Variants in NAA25 observed in about 807,000 individuals in gnomAD.
The protein encoded by NAA25 is N-alpha-acetyltransferase 25, NatB auxiliary subunit.
A neutral mutation model predicts 132.5 loss-of-function variants in NAA25; 30 were observed. The ratio of observed to expected loss-of-function variants is 0.23; its 90% CI spans 0.17 to 0.31. NAA25 has a LOEUF of 0.31. NAA25 is among the 10% of genes least tolerant of loss of function. The pLI is 1.00. For missense variants in NAA25, 771 were observed against 1,150.4 expected (o/e 0.67, Z 4.77); for synonymous variants, 359 against 401.9 (o/e 0.89, Z 1.28).
At chr12:112,063,098 G>A (rs938940717) in intron 11 of NAA25, among the ~76,000 whole-genome samples, 1 of 151,684 alleles carries the variant, frequency 6.6e-6, no homozygotes, top group East Asian at 1.9e-4. Context: ...GAAGAAATGA[G>A]AGATGACAGC....
intron 11 of NAA25, among the ~76,000 whole-genome samples, chr12:112,067,170 G>C (rs1008816106): frequency 6.6e-6 from 1 of 152,054 alleles, no homozygotes; most frequent in Admixed American, 6.6e-5. Flanking sequence ...ACACACTCCA[G>C]CCTGGGCGAC....
intron 19 of NAA25, among the ~76,000 whole-genome samples, chr12:112,042,592 T>A (rs1242941557): frequency 6.6e-6 from 1 of 152,002 alleles, no homozygotes; most frequent in Non-Finnish European, 1.5e-5. Context: ...CTGCAACCTC[T>A]GCTTCCCTGG....
At chr12:112,050,958 T>C (rs565383362) in intron 15 of NAA25, among the ~76,000 whole-genome samples, 10 of 152,224 alleles carry the variant, frequency 6.6e-5, no homozygotes, top group African/African-American at 2.4e-4. Context: ...TAGGTGGGAA[T>C]TGAAATGCAT....
At chr12:112,033,074 CACA>C (rs1007938729) in intron 23 of NAA25, among the ~76,000 whole-genome samples, 156 bp downstream of exon 23, 2 of 152,200 alleles carry the variant, frequency 1.3e-5, no homozygotes. Context: ...CCACCAACAA[CACA>C]ACAAGAAACT....
intron 1 of NAA25, among the ~76,000 whole-genome samples, chr12:112,095,671 G>GA (rs923797237): frequency 1.6e-4 from 22 of 136,440 alleles, no homozygotes; most frequent in South Asian, 2.3e-4. Flanking sequence ...CAGAGAGAAA[G>GA]AAAAAAAAAG....
intron 22 of NAA25, among the ~76,000 whole-genome samples, chr12:112,035,934 C>A (rs2078219087): frequency 6.6e-6 from 1 of 152,164 alleles, no homozygotes; most frequent in African/African-American, 2.4e-5. Context: ...AATCTCCCCA[C>A]CTTGGCCTCC....
At chr12:112,103,913 C>T (rs775903769) in intron 1 of NAA25, among the ~76,000 whole-genome samples, 1 of 152,152 alleles carries the variant, frequency 6.6e-6, no homozygotes, top group African/African-American at 2.4e-5. Context: ...AAGAGCTGAT[C>T]TGACAGGAGG....
Position 112,043,505 on chromosome 12 carries a change from C to T in NAA25, c.2250+120G>A, listed in dbSNP as rs924976583. 17 of 1,161,664 alleles carry T rather than the reference C, an allele frequency of 1.5e-5. No homozygotes were observed. In the East Asian group the frequency reaches 3.9e-4, roughly 27 times the overall value. The allele number at this position is 1,161,664 out of a possible 1,614,324, so 72.0% of individuals were successfully genotyped here. A position where few individuals can be genotyped will look rare whatever the true frequency, so the allele number is the denominator to read the frequency against. On this transcript the variant is annotated intron_variant, in intron 18 of 23. Transcript: ENST00000261745. ...GTCTAAAATATTCCTCTTTCTCCTG[C>T]AGAAGCCATAAACTGGGACAAAACA...
chr12:112,066,977 C>T (rs557083783), intron 11 of NAA25, among the ~76,000 whole-genome samples: 1 of 152,090 alleles, frequency 6.6e-6, no homozygotes, highest in African/African-American at 2.4e-5. Flanking sequence ...TGATGGCAGC[C>T]CTGTTATAGA....
rs1314645175 is a variant in NAA25 at position 112,040,287 on chromosome 12, T to C, written c.2538+194A>G. The C allele has an allele frequency of 1.5e-5, 7 of 464,582 alleles. No homozygotes were observed. The East Asian group carries it at 2.3e-4, about 15-fold the overall frequency. 28.8% of individuals were successfully genotyped at this position (464,582 alleles called of 1,614,324 possible). A position where few individuals can be genotyped will look rare whatever the true frequency, so the allele number is the denominator to read the frequency against. ...TTCAAGAAGTTTTACCTAAGTATTA[T>C]GAATGAAATCATCTTAGAATTCTTG... On this transcript the variant is annotated intron_variant, in intron 21 of 23. Coordinates refer to ENST00000261745, the MANE Select transcript of NAA25 (RefSeq NM_024953.4).
At chr12:112,039,403 G>C (rs890473348) in intron 21 of NAA25, 64 bp from the exon 22 acceptor site, 8 of 946,772 alleles carry the variant, frequency 8.4e-6, no homozygotes, top group Non-Finnish European at 1.2e-5. Flanking sequence ...CAGGAAATTA[G>C]AGGCAATGGA....
Position 112,081,072 on chromosome 12 carries a change from G to A in NAA25, c.465C>T (p.Ser155=). ...ATGCCATACTCACTTGCATAATTAA[G>A]CTCATCACAGACCAAAAGTAGTAGG... ...KNPYYFWSVM[S]LIMQSISAQD... is the part of the protein sequence containing the mutation. Residue 155 remains serine (S), a synonymous_variant, in exon 5 of 24, where the codon AGC becomes AGT. Coordinates refer to ENST00000261745, the MANE Select transcript of NAA25 (RefSeq NM_024953.4). 1 of 1,612,496 alleles carries A rather than the reference G, an allele frequency of 6.2e-7. No homozygotes were observed. The highest frequency in any genetic ancestry group is 8.5e-7 in the Non-Finnish European group (1 of 1,178,564).
chr12:112,059,041 T>C (rs2078586114), intron 13 of NAA25, among the ~76,000 whole-genome samples: 1 of 117,426 alleles, frequency 8.5e-6, no homozygotes, highest in African/African-American at 3.4e-5. Flanking sequence ...ACCACTGTAC[T>C]CCAGTCTGGG....
At chr12:112,104,469 CAG>C (rs1437066980) in intron 1 of NAA25, among the ~76,000 whole-genome samples, 1 of 151,894 alleles carries the variant, frequency 6.6e-6, no homozygotes, top group Non-Finnish European at 1.5e-5. Flanking sequence ...CATAACAAAA[CAG>C]AGTCAAATAT....
intron 1 of NAA25, among the ~76,000 whole-genome samples, chr12:112,103,239 G>A (rs1322820122): frequency 6.6e-6 from 1 of 152,120 alleles, no homozygotes. Context: ...CACCCACCTC[G>A]GCCTCCCAAA....
intron 9 of NAA25, 64 bp from the exon 10 acceptor site, chr12:112,072,128 C>A: frequency 1.4e-5 from 17 of 1,197,672 alleles, no homozygotes; most frequent in East Asian, 2.9e-5. Context: ...AGCTTAAAGT[C>A]AAGCCAAACT....
chr12:112,093,924 T>A (rs2079174455), intron 1 of NAA25, among the ~76,000 whole-genome samples: 1 of 151,302 alleles, frequency 6.6e-6, no homozygotes, highest in Non-Finnish European at 1.5e-5. Flanking sequence ...TTTCAACAAA[T>A]AAAAACATTA....
At chr12:112,032,823 C>T (rs1166119745) in intron 23 of NAA25, among the ~76,000 whole-genome samples, 1 of 152,200 alleles carries the variant, frequency 6.6e-6, no homozygotes, top group Non-Finnish European at 1.5e-5. Flanking sequence ...CTAATTATTA[C>T]TGACATAATT....
chr12:112,063,315 G>C (rs2078665467), intron 11 of NAA25, among the ~76,000 whole-genome samples: 1 of 152,124 alleles, frequency 6.6e-6, no homozygotes. Flanking sequence ...GACTAAAATA[G>C]AATATATTAA....
Sources: allele counts gnomAD v4.1 joint callset (sites outside exome capture counted in the v4.1 genomes callset), GRCh38; gene constraint gnomAD v4.1.1; transcripts MANE v1.5; gene names NCBI Gene and HGNC (gene_info 2026-07-23, HGNC 2026-07-21).